UBAP2: variants seen among roughly 807,000 people sequenced by gnomAD.
UBAP2 encodes ubiquitin-associated protein 2.
A neutral mutation model predicts 139.6 loss-of-function variants in UBAP2; 75 were observed. The ratio of observed to expected loss-of-function variants is 0.54; its 90% CI spans 0.45 to 0.65. The LOEUF (loss-of-function observed/expected upper bound fraction) is 0.65, where lower values mean the gene tolerates loss of function less well. Among genes scored for constraint, UBAP2 ranks in the 30% least tolerant of loss-of-function variants. The pLI is 0.00. For synonymous variants in UBAP2, 526 were observed against 526.2 expected, an observed-to-expected ratio of 1.00 and a Z score of 0.01; for missense variants, 1,368 against 1,369.6, an observed-to-expected ratio of 1.00 and a Z score of 0.02.
At chr9:34,038,499 G>A (rs1467510256) in intron 1 of UBAP2, among the ~76,000 whole-genome samples, 1 of 152,202 alleles carries the variant, frequency 6.6e-6, no homozygotes, top group East Asian at 1.9e-4. Flanking sequence ...TGGCCGGGCT[G>A]GTCTCCAGCT....
chr9:33,945,139 A>AT (rs939637000), intron 13 of UBAP2, among the ~76,000 whole-genome samples: 6 of 122,264 alleles, frequency 4.9e-5, no homozygotes, highest in African/African-American at 2.0e-4. Context: ...TCATCCAAAA[A>AT]TTAAAAAAAA....
chr9:33,968,136 G>A (rs1484780057), intron 8 of UBAP2: 3 of 561,604 alleles, frequency 5.3e-6, no homozygotes, highest in South Asian at 2.9e-5. Context: ...AAACTCAACA[G>A]GACACAGACA....
chr9:33,940,815 C>G (rs1186618687), intron 16 of UBAP2, among the ~76,000 whole-genome samples: 1 of 152,182 alleles, frequency 6.6e-6, no homozygotes, highest in Non-Finnish European at 1.5e-5. Flanking sequence ...ATTGCTCACA[C>G]TGAATGCTCA....
At chr9:33,976,685 T>C (rs533346684) in intron 6 of UBAP2, among the ~76,000 whole-genome samples, 10 of 152,336 alleles carry the variant, frequency 6.6e-5, no homozygotes, top group Admixed American at 5.2e-4. Context: ...GTATGGTATG[T>C]AAATTTTGTA....
intron 12 of UBAP2, chr9:33,952,745 A>C (rs1172549544): frequency 1.9e-5 from 3 of 154,644 alleles, no homozygotes; most frequent in Admixed American, 1.3e-4. Flanking sequence ...GAATTTGACA[A>C]ACCATAAAAA....
At chr9:34,010,615 A>T (rs1395865003) in intron 2 of UBAP2, among the ~76,000 whole-genome samples, 2 of 152,126 alleles carry the variant, frequency 1.3e-5, no homozygotes, top group African/African-American at 2.4e-5. Context: ...AATAGAACAT[A>T]TGGATATTGA....
At position 33,971,157 on chromosome 9, in the gene UBAP2, TA is replaced by T. The variant is rs376571164; in HGVS notation, c.679+493del. On this transcript the variant is annotated intron_variant, in intron 8 of 28. Transcript: ENST00000379238. ...TAATTACTGTACAAAGAACTCTATA[TA>T]AATAACCAATATTTACCCCAAGAAT... 2.5e-3 allele frequency among the ~76,000 whole-genome samples: 386 copies of T among 152,320 alleles called. 2 individuals carry two copies. Among genetic ancestry groups the T allele is most frequent in the African/African-American group, 8.8e-3 (368 of 41,582 alleles).
At position 33,981,245 on chromosome 9, in the gene UBAP2, G is replaced by GAT. The variant is rs748761524; in HGVS notation, c.520+5513_520+5514dup. Among the ~76,000 whole-genome samples, 33 of 32,298 alleles carry GAT rather than the reference G, an allele frequency of 1.0e-3. 1 individual carries two copies. The highest frequency in any genetic ancestry group is 2.5e-3 in the South Asian group (2 of 812). 21.2% of individuals were successfully genotyped at this position (32,298 alleles called of 152,430 possible). A position where few individuals can be genotyped will look rare whatever the true frequency, so the allele number is the denominator to read the frequency against. ...ATTCTGGATATATATATATATTCTG[G>GAT]ATATATATATATATTCTGGATATAT... is the stretch of plus-strand genomic sequence containing the variant. On this transcript the variant is annotated intron_variant, in intron 6 of 28. Transcript: ENST00000379238.
chr9:34,016,261 GAGGAGGAAGAGA>G (rs1824277240), intron 2 of UBAP2, among the ~76,000 whole-genome samples: 2 of 27,772 alleles, frequency 7.2e-5, no homozygotes, highest in Admixed American at 1.1e-3. Context: ...GGAGGAGGAA[GAGGAGGAAGAGA>G]AGGAGGAAGA....
At chr9:34,004,106 C>G (rs1172299205) in intron 2 of UBAP2, among the ~76,000 whole-genome samples, 1 of 152,104 alleles carries the variant, frequency 6.6e-6, no homozygotes, top group Non-Finnish European at 1.5e-5. Context: ...GAGTTTAAAA[C>G]CATCTCCACA....
At chr9:33,968,345 A>G (rs1187911206) in intron 8 of UBAP2, 7 of 581,198 alleles carry the variant, frequency 1.2e-5, no homozygotes, top group Non-Finnish European at 2.4e-5. Flanking sequence ...CACAGAGCCA[A>G]CACTTTGAGG....
At chr9:33,988,407 T>C (rs1821394515) in intron 5 of UBAP2, among the ~76,000 whole-genome samples, 1 of 152,178 alleles carries the variant, frequency 6.6e-6, no homozygotes, top group African/African-American at 2.4e-5. Context: ...GACAAGGTTG[T>C]TTTGCATAAA....
At chr9:34,046,300 TAA>T (rs35216565) in intron 1 of UBAP2, among the ~76,000 whole-genome samples, 36 of 137,382 alleles carry the variant, frequency 2.6e-4, no homozygotes, top group African/African-American at 6.2e-4. Flanking sequence ...AATCATCATT[TAA>T]AAAAAAAAAA....
chr9:34,035,962 G>C (rs1826331041), intron 1 of UBAP2, among the ~76,000 whole-genome samples: 1 of 151,684 alleles, frequency 6.6e-6, no homozygotes, highest in Non-Finnish European at 1.5e-5. Flanking sequence ...GAGCCTGATC[G>C]CATCACTGCA....
intron 8 of UBAP2, among the ~76,000 whole-genome samples, chr9:33,964,621 G>A (rs1039142939): frequency 2.6e-5 from 4 of 151,672 alleles, no homozygotes; most frequent in Non-Finnish European, 5.9e-5. Context: ...GATCACTTGA[G>A]CCCAGGAGTT....
At chr9:34,037,160 T>G (rs1826502363) in intron 1 of UBAP2, among the ~76,000 whole-genome samples, 1 of 152,062 alleles carries the variant, frequency 6.6e-6, no homozygotes, top group Non-Finnish European at 1.5e-5. Flanking sequence ...GGCTAATTTT[T>G]TGTATTTTTA....
intron 1 of UBAP2, among the ~76,000 whole-genome samples, chr9:34,019,681 A>C (rs1315105296): frequency 8.4e-6 from 1 of 119,318 alleles, no homozygotes; most frequent in African/African-American, 3.3e-5. Flanking sequence ...TGTTATGTAC[A>C]TTTTACTACA....
chr9:33,988,665 A>C (rs1745763201), intron 5 of UBAP2, among the ~76,000 whole-genome samples: 1 of 152,218 alleles, frequency 6.6e-6, no homozygotes, highest in South Asian at 2.1e-4. Flanking sequence ...ATCACACTAC[A>C]CAACCACCTG....
In UBAP2 at chr9:34,016,248, GGAGGAGGAGGAAGA is replaced by G. The variant is rs1824267386; in HGVS notation, c.99+788_99+801del. ...AGGAGGAAGAGGAAGGGGAGGAAGA[GGAGGAGGAGGAAGA>G]GGAGGAAGAGAAGGAGGAAGAGGAG... On this transcript the variant is annotated intron_variant, in intron 2 of 28. Coordinates refer to ENST00000379238, the MANE Select transcript of UBAP2 (RefSeq NM_001370062.2). 3.9e-5 allele frequency among the ~76,000 whole-genome samples: 5 copies of G among 129,842 alleles called. No individual in the cohort carries two copies. The South Asian group carries it at 1.0e-3, about 26-fold the overall frequency. The allele number at this position is 129,842 out of a possible 152,430, so 85.2% of individuals were successfully genotyped here. A position where few individuals can be genotyped will look rare whatever the true frequency, so the allele number is the denominator to read the frequency against.
Sources: gnomAD v4.1 joint callset for allele counts (sites outside exome capture counted in the v4.1 genomes callset) on GRCh38, gnomAD v4.1.1 for gene constraint, MANE v1.5 for transcripts, NCBI Gene and HGNC (gene_info 2026-07-23, HGNC 2026-07-21) for gene names.